USP30: variants seen among roughly 807,000 people sequenced by gnomAD.
The protein encoded by USP30 is ubiquitin specific peptidase 30.
A neutral mutation model predicts 68.2 loss-of-function variants in USP30; 41 were observed. The ratio of observed to expected loss-of-function variants is 0.60; its 90% CI spans 0.47 to 0.78. The LOEUF is 0.78. USP30 is among the 30% of genes least tolerant of loss of function. The pLI, the probability that USP30 is intolerant of heterozygous loss-of-function variation, is 0.00. For synonymous variants in USP30, 229 were observed against 253.7 expected (o/e 0.90, Z 0.93); for missense variants, 522 against 649.4 (o/e 0.80, Z 2.13).
chr12:109,057,837 C>T, intron 2 of USP30, 89 bp from the exon 3 acceptor site: 1 of 1,408,716 alleles, frequency 7.1e-7, no homozygotes, highest in South Asian at 1.4e-5. Flanking sequence ...AAATTTAAGG[C>T]CACAGCGCAG....
At chr12:109,043,803 A>T (rs886823474) in intron 3 of USP30, among the ~76,000 whole-genome samples, 1 of 152,230 alleles carries the variant, frequency 6.6e-6, no homozygotes, top group African/African-American at 2.4e-5. Flanking sequence ...ACAGAATAGG[A>T]GGATATCTTT....
chr12:109,082,077 C>G, intron 9 of USP30, 58 bp downstream of exon 9: 4 of 1,554,372 alleles, frequency 2.6e-6, no homozygotes, highest in Non-Finnish European at 3.6e-6. Flanking sequence ...GATGTAGCGC[C>G]TCTCACACCA....
chr12:109,043,324 C>T (rs1359215492), intron 3 of USP30, among the ~76,000 whole-genome samples: 2 of 152,180 alleles, frequency 1.3e-5, no homozygotes, highest in Non-Finnish European at 2.9e-5. Context: ...AGGACTCACT[C>T]TTTCTAATTT....
chr12:109,085,823 C>T lies in USP30; in HGVS notation c.1446C>T (p.Arg482=). The change falls in exon 13 of 13, where the codon CGC becomes CGT. Residue 482 remains arginine (R), a synonymous_variant. Transcript: ENST00000257548. The stretch of plus-strand genomic sequence containing the variant: ...TGTGGGTCTCCGATGACACTGTCCG[C>T]AAGGCCAGCCTGCAGGAGGTCCTGT... ...QWLWVSDDTV[R]KASLQEVLSS... is the part of the protein sequence containing the mutation. 1 of 1,614,244 alleles carries T rather than the reference C, an allele frequency of 6.2e-7. No individual in the cohort carries two copies. The highest frequency in any genetic ancestry group is 8.5e-7 in the Non-Finnish European group (1 of 1,180,042).
At chr12:109,036,513 G>T (rs919657062) in intron 3 of USP30, among the ~76,000 whole-genome samples, 2 of 151,982 alleles carry the variant, frequency 1.3e-5, no homozygotes, top group Non-Finnish European at 2.9e-5. Flanking sequence ...GGCCTGGCAG[G>T]TCTCAAACTC....
At chr12:109,055,805 C>G (rs1473724146) in intron 1 of USP30, among the ~76,000 whole-genome samples, 1 of 143,474 alleles carries the variant, frequency 7.0e-6, no homozygotes, top group African/African-American at 2.6e-5. Flanking sequence ...AGACAACAAA[C>G]CCAGTGCATT....
In USP30 at chr12:109,087,566, T is replaced by C. The variant is rs2041975586; in HGVS notation, c.*1635T>C. On this transcript the variant is annotated 3_prime_UTR_variant, in exon 13 of 13. Coordinates refer to ENST00000257548, the MANE Select transcript of USP30 (RefSeq NM_032663.5). Reference sequence around the variant, plus strand: ...GACTTTGATGTTGAAATGAACACACTTGTTTTACCCAAGTCTGGTGGAACA... The same window carrying C: ...GACTTTGATGTTGAAATGAACACACCTGTTTTACCCAAGTCTGGTGGAACA... The C allele has an allele frequency of 6.6e-6, 1 of 152,324 alleles. No individual in the cohort carries two copies. Among genetic ancestry groups the C allele is most frequent in the Non-Finnish European group, 1.5e-5 (1 of 68,120 alleles). 9.4% of individuals were successfully genotyped at this position (152,324 alleles called of 1,614,324 possible).
At chr12:109,062,519 G>A (rs528946810) in intron 3 of USP30, among the ~76,000 whole-genome samples, 3 of 151,578 alleles carry the variant, frequency 2.0e-5, no homozygotes, top group East Asian at 2.0e-4. Context: ...TAGTAGAGAC[G>A]GGGTTTCACC....
intron 1 of USP30, among the ~76,000 whole-genome samples, chr12:109,053,354 C>A (rs142729108): frequency 9.9e-5 from 15 of 152,254 alleles, no homozygotes; most frequent in Non-Finnish European, 1.6e-4. Flanking sequence ...GCAAGGGTCT[C>A]TAAATTGGTC....
intron 3 of USP30, among the ~76,000 whole-genome samples, chr12:109,064,426 C>T (rs543979718): frequency 2.6e-5 from 4 of 151,976 alleles, no homozygotes; most frequent in Admixed American, 6.6e-5. Context: ...CCATCACCCC[C>T]GGCTAATTTT....
chr12:109,041,922 TA>T, intron 3 of USP30, among the ~76,000 whole-genome samples: 1 of 152,168 alleles, frequency 6.6e-6, no homozygotes, highest in South Asian at 2.1e-4. Context: ...AATGACTGCA[TA>T]AAGAAAGACA....
chr12:109,056,540 G>T (rs186344028), intron 1 of USP30, 142 bp from the exon 2 acceptor site: 3 of 537,436 alleles, frequency 5.6e-6, no homozygotes, highest in African/African-American at 2.0e-5. Flanking sequence ...TTTTCAAGAT[G>T]TAATCCTATG....
chr12:109,026,823 G>C (rs2040448574), intron 2 of USP30, among the ~76,000 whole-genome samples: 1 of 152,180 alleles, frequency 6.6e-6, no homozygotes, highest in Non-Finnish European at 1.5e-5. Context: ...CAAAGTGCCA[G>C]TATAGTTAGG....
Position 109,086,955 on chromosome 12 carries a change from C to T in USP30, c.*1024C>T, listed in dbSNP as rs1429650594. 2 of 152,074 alleles carry T rather than the reference C, an allele frequency of 1.3e-5. No individual in the cohort carries two copies. Among genetic ancestry groups the T allele is most frequent in the Non-Finnish European group, 2.9e-5 (2 of 68,008 alleles). 9.4% of individuals were successfully genotyped at this position (152,074 alleles called of 1,614,324 possible). On this transcript the variant is annotated 3_prime_UTR_variant, in exon 13 of 13. Transcript: ENST00000257548. ...TGAAGTGAAGGGTTAGATTTGATGA[C>T]CACCAAAGTTCAGCCCTTTTCACGA...
chr12:109,029,800 G>A (rs1300135174), intron 3 of USP30, among the ~76,000 whole-genome samples: 1 of 152,128 alleles, frequency 6.6e-6, no homozygotes, highest in South Asian at 2.1e-4. Flanking sequence ...CCATAACAGA[G>A]AACACAGCTG....
intron 1 of USP30, chr12:109,053,634 TC>T (rs1426868740): frequency 5.8e-6 from 1 of 172,606 alleles, no homozygotes; most frequent in Non-Finnish European, 1.2e-5. Flanking sequence ...TCGATACTTA[TC>T]CTGTCCAGTG....
chr12:109,072,264 A>G (rs1167755777), intron 5 of USP30, 41 bp from the exon 6 acceptor site: 2 of 1,587,928 alleles, frequency 1.3e-6, no homozygotes, highest in African/African-American at 2.7e-5. Flanking sequence ...AAGGGATTAT[A>G]GTAAGGTTTT....
chr12:109,081,902 T>C (rs774591766), intron 8 of USP30, 31 bp from the exon 9 acceptor site: 1 of 1,598,460 alleles, frequency 6.3e-7, no homozygotes, highest in Non-Finnish European at 8.6e-7. Context: ...GTCCTTTGAA[T>C]TGTAGTAATT....
intron 1 of USP30, among the ~76,000 whole-genome samples, chr12:109,055,848 G>A (rs1043434921): frequency 6.6e-6 from 1 of 150,938 alleles, no homozygotes; most frequent in African/African-American, 2.4e-5. Context: ...AAAAAACATA[G>A]CGAATAGGTT....
Sources: allele counts gnomAD v4.1 joint callset (sites outside exome capture counted in the v4.1 genomes callset), GRCh38; gene constraint gnomAD v4.1.1; transcripts MANE v1.5; gene names NCBI Gene and HGNC (gene_info 2026-07-23, HGNC 2026-07-21).